The following RORA variants were observed in gnomAD, a reference collection of about 807,000 sequenced individuals.
RORA encodes nuclear receptor ROR-alpha.
Under a neutral mutation model 69.5 loss-of-function variants are expected in RORA, and 7 were observed. That is an observed-to-expected ratio of 0.10 (90% CI 0.06 to 0.19). The LOEUF (loss-of-function observed/expected upper bound fraction) is 0.19, where lower values mean the gene tolerates loss of function less well. RORA is among the 10% of genes least tolerant of loss of function. The probability of loss-of-function intolerance (pLI) is 1.00; values close to 1 mark genes in which losing one functional copy is unlikely to be tolerated. For missense variants in RORA, 457 were observed against 663.0 expected, an observed-to-expected ratio of 0.69 and a Z score of 3.41; for synonymous variants, 261 against 240.8, an observed-to-expected ratio of 1.08 and a Z score of -0.78.
At chr15:60,728,777 T>TA (rs112113862) in intron 1 of RORA, among the ~76,000 whole-genome samples, 2 of 151,976 alleles carry the variant, frequency 1.3e-5, no homozygotes, top group African/African-American at 2.4e-5. Context: ...GATCCTGCCC[T>TA]AAAAAAAACT....
At chr15:60,962,920 G>A (rs748927427) in intron 1 of RORA, among the ~76,000 whole-genome samples, 4 of 152,196 alleles carry the variant, frequency 2.6e-5, no homozygotes, top group African/African-American at 4.8e-5. Flanking sequence ...AGACAACATG[G>A]AGGTGGTACC....
chr15:60,609,699 G>A (rs546034302), intron 2 of RORA, among the ~76,000 whole-genome samples: 2 of 152,256 alleles, frequency 1.3e-5, no homozygotes, highest in South Asian at 2.1e-4. Context: ...CATGATACAC[G>A]AATCCTCATC....
intron 1 of RORA, among the ~76,000 whole-genome samples, chr15:60,699,352 C>G (rs189273802): frequency 1.2e-3 from 186 of 152,040 alleles, no homozygotes; most frequent in Non-Finnish European, 2.4e-3. Context: ...TTTTCTTGCT[C>G]TAGTTTAGCT....
intron 2 of RORA, among the ~76,000 whole-genome samples, chr15:60,538,207 C>T (rs938137980): frequency 3.9e-5 from 6 of 152,108 alleles, no homozygotes; most frequent in African/African-American, 1.4e-4. Flanking sequence ...CTCAAGAGGA[C>T]ATGACACCAA....
At chr15:61,089,593 C>G (rs1315760600) in intron 1 of RORA, among the ~76,000 whole-genome samples, 1 of 152,160 alleles carries the variant, frequency 6.6e-6, no homozygotes, top group Non-Finnish European at 1.5e-5. Context: ...TAAAAGGTCT[C>G]TAGACAGAAG....
chr15:61,146,470 A>T (rs2079350425), intron 1 of RORA, among the ~76,000 whole-genome samples: 1 of 151,736 alleles, frequency 6.6e-6, no homozygotes, highest in African/African-American at 2.4e-5. Flanking sequence ...ACACACACAC[A>T]CACACACACA....
At chr15:61,098,194 C>CTCCTTCCT (rs144883195) in intron 1 of RORA, among the ~76,000 whole-genome samples, 2 of 122,728 alleles carry the variant, frequency 1.6e-5, no homozygotes, top group Non-Finnish European at 3.4e-5. Flanking sequence ...CCCTCCCTGT[C>CTCCTTCCT]TCCTTCCTTC....
intron 1 of RORA, among the ~76,000 whole-genome samples, chr15:61,022,148 G>C (rs1895560356): frequency 6.6e-6 from 1 of 152,162 alleles, no homozygotes; most frequent in African/African-American, 2.4e-5. Flanking sequence ...CAGGCTCTAT[G>C]ATTTGGGACA....
intron 1 of RORA, among the ~76,000 whole-genome samples, chr15:61,090,828 C>A (rs192983869): frequency 2.8e-4 from 43 of 152,304 alleles, no homozygotes; most frequent in African/African-American, 8.9e-4. Flanking sequence ...CTGTTATTCA[C>A]CCCTGCCTGA....
chr15:60,557,706 T>C (rs1354591578), intron 2 of RORA, among the ~76,000 whole-genome samples: 1 of 152,226 alleles, frequency 6.6e-6, no homozygotes, highest in African/African-American at 2.4e-5. Context: ...AAGAATATAA[T>C]GAAGTAAACC....
In RORA at chr15:61,222,886, A is replaced by C. The variant is rs904870664; in HGVS notation, c.166+6167T>G. Among the ~76,000 whole-genome samples the C allele has an allele frequency of 1.7e-4, 26 of 152,294 alleles. No individual in the cohort carries two copies. The East Asian group carries it at 3.1e-3, about 18-fold the overall frequency. On this transcript the variant is annotated intron_variant, in intron 1 of 10. Transcript: ENST00000335670. ...GATTTAAGAGCCTCATGCCAAAGAT[A>C]CCCCTTCAATATATCTATGTAAGAG...
intron 1 of RORA, among the ~76,000 whole-genome samples, chr15:60,714,509 C>T (rs1294729799): frequency 1.3e-5 from 2 of 151,758 alleles, no homozygotes; most frequent in African/African-American, 4.8e-5. Context: ...GGATTACAGG[C>T]ACCTGCCAAC....
intron 1 of RORA, among the ~76,000 whole-genome samples, chr15:60,991,076 A>G (rs1894361694): frequency 1.3e-5 from 2 of 152,326 alleles, no homozygotes; most frequent in South Asian, 4.1e-4. Flanking sequence ...GCTCACTATA[A>G]AAGTAAAATT....
chr15:60,723,970 T>C (rs8043356), intron 1 of RORA, among the ~76,000 whole-genome samples: 103,437 of 152,030 alleles, frequency 0.68, 38,771 homozygotes, highest in Non-Finnish European at 0.86. Context: ...AGAAACTAAG[T>C]GCTTGAGGTA....
At chr15:60,715,545 T>C (rs1429600621) in intron 1 of RORA, among the ~76,000 whole-genome samples, 1 of 152,178 alleles carries the variant, frequency 6.6e-6, no homozygotes, top group African/African-American at 2.4e-5. Flanking sequence ...CACAACTTCA[T>C]TCATTCCTGA....
chr15:61,018,234 A>G (rs1304220783), intron 1 of RORA, among the ~76,000 whole-genome samples: 1 of 152,164 alleles, frequency 6.6e-6, no homozygotes, highest in Non-Finnish European at 1.5e-5. Context: ...CTGATTCCTC[A>G]GCAAAGTGTA....
At chr15:60,790,210 T>C (rs190287715) in intron 1 of RORA, among the ~76,000 whole-genome samples, 1 of 152,366 alleles carries the variant, frequency 6.6e-6, no homozygotes, top group African/African-American at 2.4e-5. Context: ...ACTTATTCCA[T>C]GGCAGATTCT....
At chr15:60,529,902 C>T (rs1359737398) in intron 3 of RORA, 3 of 152,190 alleles carry the variant, frequency 2.0e-5, no homozygotes, top group Non-Finnish European at 4.4e-5. Context: ...ACTTGCCTTA[C>T]TGACAGATTC....
intron 1 of RORA, among the ~76,000 whole-genome samples, chr15:61,056,690 T>G (rs1464140934): frequency 6.6e-6 from 1 of 152,134 alleles, no homozygotes; most frequent in Non-Finnish European, 1.5e-5. Flanking sequence ...ATATGGGCAA[T>G]CTCTATTCTA....
Sources: gnomAD v4.1 joint callset for allele counts (sites outside exome capture counted in the v4.1 genomes callset) on GRCh38, gnomAD v4.1.1 for gene constraint, MANE v1.5 for transcripts, NCBI Gene and HGNC (gene_info 2026-07-23, HGNC 2026-07-21) for gene names.